Variants in DLGAP2 observed in about 807,000 individuals in gnomAD.
DLGAP2 encodes disks large-associated protein 2.
A neutral mutation model predicts 100.3 loss-of-function variants in DLGAP2; 26 were observed. That is an observed-to-expected ratio of 0.26 (90% CI 0.19 to 0.36). The LOEUF (loss-of-function observed/expected upper bound fraction) is 0.36. Among genes scored for constraint, DLGAP2 ranks in the 10% least tolerant of loss-of-function variants. DLGAP2 has a pLI of 1.00. For missense variants in DLGAP2, 1,858 were observed against 1,453.2 expected, an observed-to-expected ratio of 1.28 and a Z score of -4.53; for synonymous variants, 886 against 630.1, an observed-to-expected ratio of 1.41 and a Z score of -6.08.
chr8:1,031,809 A>G (rs1198930915), intron 2 of DLGAP2, among the ~76,000 whole-genome samples: 2 of 152,234 alleles, frequency 1.3e-5, no homozygotes, highest in Admixed American at 6.5e-5. Flanking sequence ...AATCATTATG[A>G]TTCTTAGAAG....
At chr8:1,103,508 C>G (rs1439289702) in intron 2 of DLGAP2, among the ~76,000 whole-genome samples, 3 of 111,344 alleles carry the variant, frequency 2.7e-5, no homozygotes, top group Non-Finnish European at 3.3e-5. Flanking sequence ...TGATGACTGG[C>G]GGGGCCTTGG....
At chr8:1,169,095 C>T (rs1214352670) in intron 2 of DLGAP2, among the ~76,000 whole-genome samples, 1 of 148,804 alleles carries the variant, frequency 6.7e-6, no homozygotes, top group African/African-American at 2.5e-5. Flanking sequence ...CAGCTTTCTC[C>T]ATATGGCTAG....
At chr8:1,201,101 C>T (rs888744981) in intron 2 of DLGAP2, among the ~76,000 whole-genome samples, 2 of 152,176 alleles carry the variant, frequency 1.3e-5, no homozygotes, top group Non-Finnish European at 2.9e-5. Flanking sequence ...GGAGGCTGCT[C>T]CCCGTCCCCG....
chr8:853,857 G>A (rs1797226695), intron 1 of DLGAP2, among the ~76,000 whole-genome samples: 2 of 152,148 alleles, frequency 1.3e-5, no homozygotes, highest in Non-Finnish European at 2.9e-5. Context: ...TTGTCCCCCA[G>A]ATTCATACCC....
chr8:901,870 C>T (rs180752843), intron 1 of DLGAP2, among the ~76,000 whole-genome samples: 12 of 152,356 alleles, frequency 7.9e-5, no homozygotes, highest in African/African-American at 2.9e-4. Flanking sequence ...CGTTTGCAGG[C>T]TGGGCATGAG....
intron 1 of DLGAP2, among the ~76,000 whole-genome samples, chr8:894,592 G>C: frequency 7.0e-6 from 1 of 142,870 alleles, no homozygotes; most frequent in Non-Finnish European, 1.5e-5. Flanking sequence ...AGGCGGAGCA[G>C]GGGTGTGGTG....
chr8:1,076,814 T>C (rs1803627216), intron 2 of DLGAP2, among the ~76,000 whole-genome samples: 1 of 133,994 alleles, frequency 7.5e-6, no homozygotes, highest in Non-Finnish European at 1.6e-5. Flanking sequence ...GAGGAGTCTG[T>C]CCCAGGCCCC....
intron 1 of DLGAP2, among the ~76,000 whole-genome samples, chr8:853,189 A>T (rs1330391833): frequency 6.6e-6 from 1 of 152,188 alleles, no homozygotes; most frequent in Non-Finnish European, 1.5e-5. Context: ...CAGCTGCAGG[A>T]CAGCTGTGAG....
chr8:1,639,778 T>A (rs1038340752), intron 8 of DLGAP2, among the ~76,000 whole-genome samples: 1 of 152,184 alleles, frequency 6.6e-6, no homozygotes, highest in African/African-American at 2.4e-5. Context: ...CTTCTGGAGT[T>A]CTCTGCCGTC....
intron 3 of DLGAP2, among the ~76,000 whole-genome samples, chr8:1,408,039 C>T (rs1365532769): frequency 6.6e-6 from 1 of 152,252 alleles, no homozygotes; most frequent in Non-Finnish European, 1.5e-5. Flanking sequence ...GTCAGGACAA[C>T]CAAAAATGCC....
chr8:1,032,593 G>C (rs937161574), intron 2 of DLGAP2: 21 of 152,188 alleles, frequency 1.4e-4, no homozygotes, highest in African/African-American at 4.8e-4. Context: ...TAGGTCTGCT[G>C]TGTGCCAAAA....
chr8:1,641,547 A>G (rs1797899019), intron 8 of DLGAP2, among the ~76,000 whole-genome samples: 1 of 152,254 alleles, frequency 6.6e-6, no homozygotes, highest in Non-Finnish European at 1.5e-5. Context: ...TTCCTGACTC[A>G]TAGTCCAGGG....
chr8:1,216,219 G>T (rs1327536481), intron 2 of DLGAP2, among the ~76,000 whole-genome samples: 1 of 152,204 alleles, frequency 6.6e-6, no homozygotes. Flanking sequence ...GGGGTCTTCA[G>T]GTCTCACGTG....
intron 6 of DLGAP2, among the ~76,000 whole-genome samples, chr8:1,576,067 A>C (rs1313351028): frequency 1.3e-5 from 2 of 152,212 alleles, no homozygotes. Flanking sequence ...TGGTTGAACT[A>C]GTTTACAGTC....
At chr8:1,174,587 ATT>A in intron 2 of DLGAP2, among the ~76,000 whole-genome samples, 1 of 151,918 alleles carries the variant, frequency 6.6e-6, no homozygotes, top group African/African-American at 2.4e-5. Context: ...CATTACCATC[ATT>A]GTCGTCATCA....
chr8:1,473,033 C>T (rs888933724), intron 3 of DLGAP2, among the ~76,000 whole-genome samples: 9 of 152,148 alleles, frequency 5.9e-5, no homozygotes, highest in Non-Finnish European at 1.0e-4. Flanking sequence ...CAGGTTCAAG[C>T]GATTCTCCTG....
At chr8:977,455 T>A (rs943011658) in intron 2 of DLGAP2, among the ~76,000 whole-genome samples, 2 of 152,236 alleles carry the variant, frequency 1.3e-5, no homozygotes, top group African/African-American at 4.8e-5. Flanking sequence ...CCCTGTGATG[T>A]GTGACACTTT....
At chr8:1,509,388 A>G (rs73672756) in intron 4 of DLGAP2, among the ~76,000 whole-genome samples, 6,205 of 151,492 alleles carry the variant, frequency 0.041, 175 homozygotes, top group African/African-American at 0.076. Flanking sequence ...GGATAATAAG[A>G]GCACATGTCT....
chr8:1,355,386 A>G (rs1255377793), intron 3 of DLGAP2, among the ~76,000 whole-genome samples: 3 of 152,038 alleles, frequency 2.0e-5, no homozygotes, highest in South Asian at 2.1e-4. Context: ...TTTGTTTGAG[A>G]TGGAGTCTCG....
Sources: allele counts gnomAD v4.1 joint callset (sites outside exome capture counted in the v4.1 genomes callset), GRCh38; gene constraint gnomAD v4.1.1; transcripts MANE v1.5; gene names NCBI Gene and HGNC (gene_info 2026-07-23, HGNC 2026-07-21).